Variants in PIP5K1C observed in about 807,000 individuals in gnomAD.
PIP5K1C encodes phosphatidylinositol-4-phosphate 5-kinase type 1 gamma.
In PIP5K1C, 45 loss-of-function variants were observed where a neutral mutation model predicts 80.1. The ratio of observed to expected loss-of-function variants is 0.56; its 90% CI spans 0.44 to 0.72. PIP5K1C has a LOEUF of 0.72. Among genes scored for constraint, PIP5K1C ranks in the 30% least tolerant of loss-of-function variants. The probability of loss-of-function intolerance (pLI) is 0.00; values close to 1 mark genes in which losing one functional copy is unlikely to be tolerated. For synonymous variants in PIP5K1C, 498 were observed against 420.1 expected (o/e 1.19, Z -2.27); for missense variants, 753 against 954.6 (o/e 0.79, Z 2.78).
chr19:3,696,444 G>C lies in PIP5K1C; in HGVS notation c.94+3853C>G, dbSNP rs1022210722. Among the ~76,000 whole-genome samples the C allele has an allele frequency of 1.3e-5, 2 of 152,202 alleles. No homozygotes were observed. Among genetic ancestry groups the C allele is most frequent in the Admixed American group, 6.5e-5 (1 of 15,282 alleles). On this transcript the variant is annotated intron_variant, in intron 1 of 17. Coordinates refer to ENST00000335312, the MANE Select transcript of PIP5K1C (RefSeq NM_012398.3). This position sits in a 1 kb window ranked among gnomAD's most constrained non-coding sequence, Gnocchi z 4.1. ...TCAGGTGGTGACAAACGCTATGGTG[G>C]CACAATCAGGGAAGAGGAACCGGGA...
chr19:3,670,598 C>T (rs537618023), intron 1 of PIP5K1C, among the ~76,000 whole-genome samples: 58 of 152,350 alleles, frequency 3.8e-4, no homozygotes, highest in Middle Eastern at 6.8e-3. Context: ...CTGCTCCAAG[C>T]CCCCCAGTCC....
At chr19:3,673,000 G>A (rs1239155972) in intron 1 of PIP5K1C, among the ~76,000 whole-genome samples, 1 of 151,506 alleles carries the variant, frequency 6.6e-6, no homozygotes. Flanking sequence ...GGCAGGGGAG[G>A]GATTCTGCGA....
intron 5 of PIP5K1C, among the ~76,000 whole-genome samples, chr19:3,658,920 T>C (rs1303643884): frequency 1.3e-5 from 2 of 152,156 alleles, no homozygotes; most frequent in African/African-American, 4.8e-5. Flanking sequence ...CACAGCCTCC[T>C]TCGTCGGTGC....
chr19:3,646,072 G>C lies in PIP5K1C; in HGVS notation c.1261-14C>G. ...GGACACCGTGTCCTGGAAGAGAGTT[G>C]GGGGGGGTGCCCGGGGGCAGAGGGT... On this transcript the variant is annotated splice_polypyrimidine_tract_variant and intron_variant, in intron 10 of 17. Coordinates refer to ENST00000335312, the MANE Select transcript of PIP5K1C (RefSeq NM_012398.3). The C allele has an allele frequency of 6.6e-7, 1 of 1,511,800 alleles. No homozygotes were observed. The highest frequency in any genetic ancestry group is 9.1e-7 in the Non-Finnish European group (1 of 1,094,164). 93.6% of individuals were successfully genotyped at this position (1,511,800 alleles called of 1,614,324 possible).
chr19:3,670,754 T>TGGGTGGGGAGC (rs199944614), intron 1 of PIP5K1C, among the ~76,000 whole-genome samples: 4,728 of 152,030 alleles, frequency 0.031, 115 homozygotes, highest in Middle Eastern at 0.068. Context: ...CCTGCAGGGC[T>TGGGTGGGGAGC]GGGTGGGCAG....
At chr19:3,695,797 C>T (rs1198021732) in intron 1 of PIP5K1C, among the ~76,000 whole-genome samples, 2 of 150,940 alleles carry the variant, frequency 1.3e-5, no homozygotes, top group Non-Finnish European at 2.9e-5. Flanking sequence ...GATCACAGCT[C>T]AGTGCAGCCT....
At chr19:3,685,622 C>T (rs1170304460) in intron 1 of PIP5K1C, among the ~76,000 whole-genome samples, 2 of 151,166 alleles carry the variant, frequency 1.3e-5, no homozygotes, top group South Asian at 2.1e-4. Flanking sequence ...CCCAGCTACT[C>T]GGGAGGCTGA....
intron 1 of PIP5K1C, among the ~76,000 whole-genome samples, chr19:3,681,440 C>T (rs1374351409): frequency 6.6e-6 from 1 of 152,058 alleles, no homozygotes; most frequent in Non-Finnish European, 1.5e-5. Flanking sequence ...CCATGTTGGC[C>T]AGGCTGATCT....
chr19:3,643,342 T>G lies in PIP5K1C; in HGVS notation c.1550A>C (p.Glu517Ala). ...GGCAATGGAGGCTGTAGTGGCTTCT[T>G]CGAAAGAAGGTGGCGTGCAGGGCAG... ...DLLPCTPPSF[E>A]EATTASIATT... The change falls in exon 13 of 18, where the codon GAA becomes GCA. Residue 517 changes from glutamate to alanine, a missense_variant. Around this residue, in one of 6 missense-constraint regions of PIP5K1C, gnomAD observed 315 missense variants for 294.5 expected, o/e 1.07. Coordinates refer to ENST00000335312, the MANE Select transcript of PIP5K1C (RefSeq NM_012398.3). The G allele has an allele frequency of 1.9e-6, 3 of 1,613,796 alleles. No individual in the cohort carries two copies. The highest frequency in any genetic ancestry group is 2.5e-6 in the Non-Finnish European group (3 of 1,179,942).
In PIP5K1C at chr19:3,637,449, C is replaced by T. The variant is rs1162974731; in HGVS notation, c.1920+1435G>A. The stretch of plus-strand genomic sequence containing the variant: ...TCTGGAAAACAACTGACGTCAGACA[C>T]TGAGCTTCCGGCCGGGGACCTGCGG... On this transcript the variant is annotated intron_variant, in intron 16 of 17. Coordinates refer to ENST00000335312, the MANE Select transcript of PIP5K1C (RefSeq NM_012398.3). The surrounding 1 kb of genome is among the most constrained non-coding windows in gnomAD (Gnocchi z 7.0). 2.6e-6 allele frequency: 4 copies of T among 1,535,600 alleles called. No individual in the cohort carries two copies. The highest frequency in any genetic ancestry group is 3.5e-6 in the Non-Finnish European group (4 of 1,146,824).
intron 1 of PIP5K1C, among the ~76,000 whole-genome samples, chr19:3,687,852 A>G (rs759080357): frequency 2.0e-5 from 3 of 152,148 alleles, no homozygotes; most frequent in Non-Finnish European, 2.9e-5. Flanking sequence ...GGCAGGAGCC[A>G]GGCCGGTAAA....
intron 1 of PIP5K1C, among the ~76,000 whole-genome samples, chr19:3,689,302 C>G (rs2035872774): frequency 6.6e-6 from 1 of 152,200 alleles, no homozygotes; most frequent in African/African-American, 2.4e-5. Context: ...TGGGTTTCCC[C>G]TGGAGCCAGG....
rs1313487309 is a variant in PIP5K1C at position 3,631,293 on chromosome 19, G to C, written c.*1874C>G. 6.6e-6 allele frequency: 1 copy of C among 152,346 alleles called. No individual in the cohort carries two copies. The highest frequency in any genetic ancestry group is 6.5e-5 in the Admixed American group (1 of 15,284). The allele number at this position is 152,346 out of a possible 1,614,324, so 9.4% of individuals were successfully genotyped here. On this transcript the variant is annotated 3_prime_UTR_variant, in exon 18 of 18. Transcript: ENST00000335312. Reference sequence around the variant, plus strand: ...CCCTGGGAGGACTGGTGTGGCCTCTGGGGGTTGGGCCTTTGAGATGACAAT... The same window carrying C: ...CCCTGGGAGGACTGGTGTGGCCTCTCGGGGTTGGGCCTTTGAGATGACAAT...
chr19:3,690,763 A>C (rs1316397006), intron 1 of PIP5K1C, among the ~76,000 whole-genome samples: 1 of 152,246 alleles, frequency 6.6e-6, no homozygotes, highest in African/African-American at 2.4e-5. Flanking sequence ...CCTACGAATC[A>C]ACAAAATGGT....
At chr19:3,660,141 G>A (rs960349942) in intron 5 of PIP5K1C, among the ~76,000 whole-genome samples, 1 of 152,200 alleles carries the variant, frequency 6.6e-6, no homozygotes, top group Non-Finnish European at 1.5e-5. Context: ...AGCACTACGG[G>A]AGGCTGAGAC....
At chr19:3,653,207 C>T (rs2034511030) in intron 7 of PIP5K1C, 83 bp downstream of exon 7, 6 of 1,372,086 alleles carry the variant, frequency 4.4e-6, no homozygotes, top group Middle Eastern at 4.6e-4. Context: ...TGGCACCCTC[C>T]CTGGCCCTGC....
chr19:3,636,664 C>T lies in PIP5K1C; in HGVS notation c.1920+2220G>A, dbSNP rs559092716. ...CTCCGTGGGACGGAGCTGCCTAGAG[C>T]AGCCGGGGAAGTGGTCTCCACCTCT... On this transcript the variant is annotated intron_variant, in intron 16 of 17. Coordinates refer to ENST00000335312, the MANE Select transcript of PIP5K1C (RefSeq NM_012398.3). 357 of 985,672 alleles carry T rather than the reference C, an allele frequency of 3.6e-4. 2 individuals are homozygous for T. In the African/African-American group the frequency reaches 5.9e-3, roughly 16 times the overall value. 61.1% of individuals were successfully genotyped at this position (985,672 alleles called of 1,614,324 possible). A position where few individuals can be genotyped will look rare whatever the true frequency, so the allele number is the denominator to read the frequency against.
intron 1 of PIP5K1C, among the ~76,000 whole-genome samples, chr19:3,695,844 C>T (rs933305275): frequency 6.6e-6 from 1 of 152,062 alleles, no homozygotes; most frequent in Non-Finnish European, 1.5e-5. Context: ...CTGCCTCAGC[C>T]TCCTGAGTAG....
chr19:3,650,743 T>C (rs2034409626), intron 8 of PIP5K1C, among the ~76,000 whole-genome samples: 1 of 152,136 alleles, frequency 6.6e-6, no homozygotes, highest in African/African-American at 2.4e-5. Flanking sequence ...ACCGTTCCTA[T>C]CTTCTGTGGC....
Sources: gnomAD v4.1 joint callset for allele counts (sites outside exome capture counted in the v4.1 genomes callset) on GRCh38, gnomAD v4.1.1 for gene constraint, gnomAD v4.1.1 regional missense constraint, Gnocchi (gnomAD v3.1) non-coding constraint, MANE v1.5 for transcripts, NCBI Gene and HGNC (gene_info 2026-07-23, HGNC 2026-07-21) for gene names.